BRD10: variants seen among roughly 807,000 people sequenced by gnomAD.
BRD10 encodes uncharacterized bromodomain-containing protein 10.
the BRD10 span, among the ~76,000 whole-genome samples, chr9:5,993,466 G>C: frequency 6.6e-6 from 1 of 152,130 alleles, no homozygotes; most frequent in Non-Finnish European, 1.5e-5. Context: ...ATTTAATGAA[G>C]GGACTATTTA....
the BRD10 span, chr9:5,907,259 G>A: frequency 4.1e-6 from 1 of 246,464 alleles, no homozygotes; most frequent in African/African-American, 2.2e-5. Flanking sequence ...GGTCAATAAT[G>A]AGAGCCCTAC....
the BRD10 span, among the ~76,000 whole-genome samples, chr9:5,929,624 T>C: frequency 1.3e-5 from 2 of 152,160 alleles, no homozygotes; most frequent in Non-Finnish European, 2.9e-5. Context: ...TTTACAATTA[T>C]TTTATTTTAC....
chr9:5,968,995 T>A, the BRD10 span: 28 of 1,609,768 alleles, frequency 1.7e-5, no homozygotes, highest in South Asian at 2.8e-4. Context: ...TTTCTTCCAA[T>A]GGATTAACTT....
At chr9:5,960,328 G>A in the BRD10 span, among the ~76,000 whole-genome samples, 6 of 152,220 alleles carry the variant, frequency 3.9e-5, 1 homozygote, top group East Asian at 1.2e-3. Context: ...TTGGGAGGCC[G>A]AGGTGGGCCG....
At chr9:5,895,938 G>A in the BRD10 span, among the ~76,000 whole-genome samples, 5 of 152,214 alleles carry the variant, frequency 3.3e-5, no homozygotes, top group Non-Finnish European at 7.3e-5. Flanking sequence ...TCAAGTGGAC[G>A]CCACAGGGTA....
At chr9:5,983,927 A>T in the BRD10 span, among the ~76,000 whole-genome samples, 10 of 150,324 alleles carry the variant, frequency 6.7e-5, no homozygotes, top group African/African-American at 2.5e-4. Flanking sequence ...GATAGGAAAA[A>T]ACCTGTCAAT....
the BRD10 span, among the ~76,000 whole-genome samples, chr9:5,966,228 T>C: frequency 6.6e-6 from 1 of 152,174 alleles, no homozygotes. Context: ...AGTGTTTCTA[T>C]TCATTTTTCT....
At chr9:5,924,755 T>C in the BRD10 span, 2 of 1,607,272 alleles carry the variant, frequency 1.2e-6, no homozygotes, top group Non-Finnish European at 8.5e-7. Flanking sequence ...CAAGATCTCC[T>C]TCACCTTCAT....
chr9:5,911,818 A>G, the BRD10 span, among the ~76,000 whole-genome samples: 4 of 152,126 alleles, frequency 2.6e-5, no homozygotes, highest in African/African-American at 4.8e-5. Flanking sequence ...TACAGGCACG[A>G]GCCACCACGC....
chr9:5,997,363 G>C, the BRD10 span, among the ~76,000 whole-genome samples: 1 of 151,916 alleles, frequency 6.6e-6, no homozygotes, highest in Non-Finnish European at 1.5e-5. Context: ...ACAAAACATG[G>C]GTGATGCAAA....
At chr9:5,996,467 T>C in the BRD10 span, among the ~76,000 whole-genome samples, 12 of 152,124 alleles carry the variant, frequency 7.9e-5, no homozygotes, top group African/African-American at 2.7e-4. Flanking sequence ...TACAAGCATA[T>C]GCCACTATGC....
At chr9:6,007,268 C>G in the BRD10 span, 52 of 1,613,838 alleles carry the variant, frequency 3.2e-5, no homozygotes, top group Non-Finnish European at 4.0e-5. Context: ...CAGTGGTCCA[C>G]TCCGTGCAGG....
chr9:5,981,821 C>T, the BRD10 span, among the ~76,000 whole-genome samples: 7 of 152,040 alleles, frequency 4.6e-5, no homozygotes, highest in African/African-American at 1.7e-4. Context: ...TTATATAAGG[C>T]TTGAAATAAA....
the BRD10 span, chr9:5,924,700 T>A: frequency 6.4e-7 from 1 of 1,558,854 alleles, no homozygotes. Flanking sequence ...AGAGGTTCTG[T>A]TGAGTCTATA....
the BRD10 span, among the ~76,000 whole-genome samples, chr9:6,002,342 A>T: frequency 6.6e-6 from 1 of 152,244 alleles, no homozygotes; most frequent in Non-Finnish European, 1.5e-5. Context: ...AATAAATAGA[A>T]CTACATGGAA....
At chr9:5,937,654 C>T in the BRD10 span, among the ~76,000 whole-genome samples, 2 of 152,238 alleles carry the variant, frequency 1.3e-5, no homozygotes, top group Non-Finnish European at 2.9e-5. Context: ...GAATATACAG[C>T]ATTAACTCCC....
At chr9:5,934,534 T>C in the BRD10 span, among the ~76,000 whole-genome samples, 1 of 151,836 alleles carries the variant, frequency 6.6e-6, no homozygotes, top group Admixed American at 6.6e-5. Flanking sequence ...AATTTTAAAT[T>C]TTTGTTTTTT....
chr9:5,999,717 G>T, the BRD10 span, among the ~76,000 whole-genome samples: 1 of 151,948 alleles, frequency 6.6e-6, no homozygotes. Flanking sequence ...AGCTCTTTTT[G>T]CCTTTGCACT....
chr9:6,007,263 G>C, the BRD10 span: 9 of 1,613,810 alleles, frequency 5.6e-6, no homozygotes, highest in East Asian at 1.3e-4. Context: ...AGATCCAGTG[G>C]TCCACTCCGT....
Sources: gnomAD v4.1 joint callset for allele counts (sites outside exome capture counted in the v4.1 genomes callset) on GRCh38, gnomAD v4.1.1 for gene constraint, MANE v1.5 for transcripts, NCBI Gene and HGNC (gene_info 2026-07-23, HGNC 2026-07-21) for gene names.